The following HMMR variants were observed in gnomAD, a reference collection of about 807,000 sequenced individuals.
The protein encoded by HMMR is intracellular hyaluronic acid-binding protein.
HMMR carries 108 observed loss-of-function variants against 101.0 expected under a neutral mutation model. That is an observed-to-expected ratio of 1.07 (90% confidence interval 0.92 to 1.25). The LOEUF (loss-of-function observed/expected upper bound fraction) is 1.25. Among genes scored for constraint, HMMR ranks in the 50% most tolerant of loss-of-function variants. The probability of loss-of-function intolerance (pLI) is 0.00; values close to 1 mark genes in which losing one functional copy is unlikely to be tolerated. For synonymous variants in HMMR, 296 were observed against 276.4 expected (o/e 1.07, Z -0.70); for missense variants, 813 against 788.7 (o/e 1.03, Z -0.37).
At chr5:163,473,068 AG>A in intron 7 of HMMR, 110 bp from the exon 8 acceptor site, 1 of 593,568 alleles carries the variant, frequency 1.7e-6, no homozygotes, top group Non-Finnish European at 3.1e-6. Flanking sequence ...GTTAAGAGTT[AG>A]GGCTCTGTAG....
At chr5:163,461,921 C>T (rs1561633906) in intron 1 of HMMR, among the ~76,000 whole-genome samples, 1 of 146,522 alleles carries the variant, frequency 6.8e-6, no homozygotes, top group African/African-American at 2.5e-5. Context: ...CTTGCACAAT[C>T]AGTAAGTGGT....
chr5:163,489,020 A>G (rs1480080076), intron 16 of HMMR, among the ~76,000 whole-genome samples: 1 of 152,154 alleles, frequency 6.6e-6, no homozygotes, highest in South Asian at 2.1e-4. Context: ...CAGTTTTTCC[A>G]CAGACCGGAT....
chr5:163,483,543 T>C (rs1759356810), intron 15 of HMMR, among the ~76,000 whole-genome samples, 176 bp downstream of exon 15: 1 of 152,186 alleles, frequency 6.6e-6, no homozygotes, highest in South Asian at 2.1e-4. Flanking sequence ...CATAATTTTT[T>C]CCCACATTAT....
Position 163,491,160 on chromosome 5 carries a change from A to G in HMMR, c.2174A>G (p.Lys725Arg). The change falls in exon 18 of 18, where the codon AAG (lysine) becomes AGG (arginine). Residue 725 changes from lysine (K) to arginine (R), a missense_variant. Coordinates refer to ENST00000393915, the MANE Select transcript of HMMR (RefSeq NM_001142556.2). ...CCTATGGAGTGTCAAGAATCATGGA[A>G]GTAAACATCTGAGAAACCTGTTGAA... ...RAPMECQESW[K>R] is the part of the protein sequence containing the mutation. 6.5e-7 allele frequency: 1 copy of G among 1,538,234 alleles called. No homozygotes were observed. The highest frequency in any genetic ancestry group is 8.9e-7 in the Non-Finnish European group (1 of 1,127,400).
chr5:163,482,274 C>T (rs951235578), intron 12 of HMMR, among the ~76,000 whole-genome samples: 4 of 152,218 alleles, frequency 2.6e-5, no homozygotes, highest in Non-Finnish European at 4.4e-5. Flanking sequence ...CTGTGCCCTG[C>T]GGTGATGACC....
At position 163,469,836 on chromosome 5, in the gene HMMR, G is replaced by A; in HGVS notation, c.462+7G>A. 6.5e-7 allele frequency: 1 copy of A among 1,549,024 alleles called. No homozygotes were observed. The highest frequency in any genetic ancestry group is 8.9e-7 in the Non-Finnish European group (1 of 1,129,706). On this transcript the variant is annotated splice_region_variant and intron_variant, in intron 5 of 17. Coordinates refer to ENST00000393915, the MANE Select transcript of HMMR (RefSeq NM_001142556.2). ...TGAACTACTAAAATCTAAGGTATCTGAGCCTCATGATAATATTTACAATTG... is the reference window on the plus strand; with the variant it reads ...TGAACTACTAAAATCTAAGGTATCTAAGCCTCATGATAATATTTACAATTG...
At chr5:163,484,944 G>C (rs953146894) in intron 16 of HMMR, among the ~76,000 whole-genome samples, 8 of 152,152 alleles carry the variant, frequency 5.3e-5, no homozygotes, top group African/African-American at 1.9e-4. Flanking sequence ...GTAGCATGGA[G>C]AGTACTTTAT....
intron 7 of HMMR, among the ~76,000 whole-genome samples, chr5:163,472,427 TTTTATGGACACG>T (rs1758927665): frequency 6.6e-6 from 1 of 152,190 alleles, no homozygotes; most frequent in South Asian, 2.1e-4. Flanking sequence ...TTTTATGTTT[TTTTATGGACACG>T]TTTTTATTTC....
rs550643129 is a variant in HMMR, at chr5:163,474,149, C to A, written c.997C>A (p.Arg333Ser). Residue 333 changes from arginine to serine, a missense_variant, in exon 10 of 18, where the codon CGT (arginine) becomes AGT (serine). Arg to Ser is a moderately radical substitution (Grantham distance 110, BLOSUM62 -1). Coordinates refer to ENST00000393915, the MANE Select transcript of HMMR (RefSeq NM_001142556.2). ...KQKFILEQQE[R>S]EKLQQKELQI... Reference sequence around the variant, plus strand: ...GAAGTTTATTCTTGAACAACAGGAACGTGAAAAGCTTCAACAAAAAGAATT... The same window carrying A: ...GAAGTTTATTCTTGAACAACAGGAAAGTGAAAAGCTTCAACAAAAAGAATT... 2 of 1,610,246 alleles carry A rather than the reference C, an allele frequency of 1.2e-6. No homozygotes were observed. Among genetic ancestry groups the A allele is most frequent in the Admixed American group, 1.7e-5 (1 of 59,604 alleles).
chr5:163,475,125 TCAC>T (rs1373606977), intron 10 of HMMR, among the ~76,000 whole-genome samples: 1 of 151,894 alleles, frequency 6.6e-6, no homozygotes, highest in South Asian at 2.1e-4. Flanking sequence ...AATATGGAAA[TCAC>T]CACACACTTT....
At chr5:163,470,712 G>A (rs2113471346) in intron 5 of HMMR, among the ~76,000 whole-genome samples, 1 of 152,272 alleles carries the variant, frequency 6.6e-6, no homozygotes, top group Admixed American at 6.5e-5. Flanking sequence ...ACAGTAGACT[G>A]GTACAGTGGC....
At chr5:163,490,029 C>T (rs1294239002) in intron 16 of HMMR, among the ~76,000 whole-genome samples, 4 of 152,166 alleles carry the variant, frequency 2.6e-5, no homozygotes, top group Non-Finnish European at 5.9e-5. Context: ...GGTCAATTTT[C>T]AGAGGCTTTA....
intron 15 of HMMR, 66 bp downstream of exon 15, chr5:163,483,433 T>C (rs1238031797): frequency 1.2e-6 from 1 of 804,544 alleles, no homozygotes. Flanking sequence ...CCTATTATAG[T>C]GAGGACAGTG....
chr5:163,488,043 A>C (rs558706440), intron 16 of HMMR, among the ~76,000 whole-genome samples: 34 of 152,104 alleles, frequency 2.2e-4, no homozygotes, highest in Admixed American at 1.2e-3. Context: ...TTTTGTAGAG[A>C]CAGAGTTTTG....
intron 8 of HMMR, 37 bp downstream of exon 8, chr5:163,473,290 T>C (rs776471642): frequency 4.1e-6 from 6 of 1,477,828 alleles, no homozygotes; most frequent in Non-Finnish European, 5.6e-6. Flanking sequence ...AACCTTATTT[T>C]TTTAATACTC....
Position 163,475,598 on chromosome 5 carries a change from G to C in HMMR, c.1194G>C (p.Arg398Ser). The C allele has an allele frequency of 6.2e-7, 1 of 1,613,156 alleles. No homozygotes were observed. Among genetic ancestry groups the C allele is most frequent in the Non-Finnish European group, 8.5e-7 (1 of 1,179,338 alleles). Residue 398 changes from arginine (R) to serine (S), a missense_variant, in exon 11 of 18, where the codon AGG becomes AGC. Physicochemically the swap from Arg to Ser is moderately radical, Grantham distance 110. Transcript: ENST00000393915. ...AGCAAAAGGAGGAACAAGCTGAAAG[G>C]CTGGTCAAGCAATTGGAAGAGGAAG... is the stretch of plus-strand genomic sequence containing the variant. ...KLQQKEEQAE[R>S]LVKQLEEEAK...
At chr5:163,490,641 A>G in intron 17 of HMMR, 89 bp downstream of exon 17, 1 of 1,008,680 alleles carries the variant, frequency 9.9e-7, no homozygotes, top group South Asian at 1.5e-5. Context: ...ATGAACTGTG[A>G]AAATTTGTTG....
chr5:163,485,829 G>A (rs761190073), intron 16 of HMMR, among the ~76,000 whole-genome samples: 4 of 152,142 alleles, frequency 2.6e-5, no homozygotes, highest in African/African-American at 4.8e-5. Context: ...TTTGTATGTG[G>A]TGTGAGGTAA....
intron 1 of HMMR, among the ~76,000 whole-genome samples, chr5:163,462,827 C>CAAAAAAAAAAAAAAAAAAAAAAAAAA (rs72118799): frequency 1.4e-5 from 1 of 70,722 alleles, no homozygotes. Flanking sequence ...GACTCCGTCT[C>CAAAAAAAAAAAAAAAAAAAAAAAAAA]AAAAAAAAAA....
Sources: gnomAD v4.1 joint callset for allele counts (sites outside exome capture counted in the v4.1 genomes callset) on GRCh38, gnomAD v4.1.1 for gene constraint, MANE v1.5 for transcripts, NCBI Gene and HGNC (gene_info 2026-07-23, HGNC 2026-07-21) for gene names.